BMP2: variants seen among roughly 807,000 people sequenced by gnomAD.
BMP2 encodes the protein bone morphogenetic protein 2A.
Under a neutral mutation model 28.8 loss-of-function variants are expected in BMP2, and 2 were observed. The observed-to-expected ratio is 0.07, with a 90% CI of 0.03 to 0.22. The LOEUF is 0.22. Among genes scored for constraint, BMP2 ranks in the 10% least tolerant of loss-of-function variants. The probability of loss-of-function intolerance (pLI) is 1.00; values close to 1 mark genes in which losing one functional copy is unlikely to be tolerated. For missense variants in BMP2, 437 were observed against 517.7 expected, an observed-to-expected ratio of 0.84 and a Z score of 1.51; for synonymous variants, 218 against 204.3, an observed-to-expected ratio of 1.07 and a Z score of -0.57.
intron 2 of BMP2, among the ~76,000 whole-genome samples, chr20:6,776,306 C>CT (rs1986499975): frequency 1.3e-5 from 2 of 152,172 alleles, no homozygotes; most frequent in African/African-American, 4.8e-5. Flanking sequence ...CAAGGGAACC[C>CT]TAAAGGACTC....
chr20:6,777,081 A>G (rs1160002949), intron 2 of BMP2, among the ~76,000 whole-genome samples: 3 of 152,210 alleles, frequency 2.0e-5, no homozygotes, highest in East Asian at 3.9e-4. Flanking sequence ...CTCTCATGGT[A>G]TATACTACCA....
chr20:6,768,429 G>A lies in BMP2; in HGVS notation c.-454G>A, dbSNP rs1986305455. 2.5e-6 allele frequency: 1 copy of A among 392,602 alleles called. No homozygotes were observed. The highest frequency in any genetic ancestry group is 1.4e-4 in the South Asian group (1 of 6,908). The allele number at this position is 392,602 out of a possible 1,614,324, so 24.3% of individuals were successfully genotyped here. On this transcript the variant is annotated 5_prime_UTR_variant, in exon 1 of 3. Coordinates refer to ENST00000378827, the MANE Select transcript of BMP2 (RefSeq NM_001200.4). ...ACCCCCGAGTCCCGGAGCCGGCCCC[G>A]CGCGGGGCCACGCGTCCCTCGGGCG...
chr20:6,770,126 C>T lies in BMP2; in HGVS notation c.-1C>T. On this transcript the variant is annotated 5_prime_UTR_variant, in exon 2 of 3. Coordinates refer to ENST00000378827, the MANE Select transcript of BMP2 (RefSeq NM_001200.4). ...ACGTCGGTCCTGTCCGCAGGTCGAC[C>T]ATGGTGGCCGGGACCCGCTGTCTTC... 6.5e-7 allele frequency: 1 copy of T among 1,541,062 alleles called. No homozygotes were observed. The highest frequency in any genetic ancestry group is 8.7e-7 in the Non-Finnish European group (1 of 1,143,372).
intron 2 of BMP2, among the ~76,000 whole-genome samples, chr20:6,773,434 T>C (rs1986438470): frequency 2.0e-5 from 3 of 152,218 alleles, no homozygotes; most frequent in African/African-American, 7.2e-5. Context: ...GATTGAGGCT[T>C]TGGTGTCCAG....
rs771718188 is a variant in BMP2, at chr20:6,770,452, T to C, written c.326T>C (p.Val109Ala). The C allele has an allele frequency of 5.0e-6, 8 of 1,598,102 alleles. No homozygotes were observed. In the East Asian group the frequency reaches 1.8e-4, roughly 36 times the overall value. ...AGGGCAGCCAGCCGAGCCAACACTG[T>C]GCGCAGCTTCCACCATGAAGGTGAG... is the stretch of plus-strand genomic sequence containing the variant. ...LERAASRANT[V>A]RSFHHEESLE... Residue 109 changes from valine to alanine, a missense_variant, in exon 2 of 3, where the codon GTG becomes GCG. Around this residue, in one of 2 missense-constraint regions of BMP2, gnomAD observed 363 missense variants for 392.8 expected, o/e 0.92. Transcript: ENST00000378827.
chr20:6,771,993 GT>G (rs2122379665), intron 2 of BMP2, among the ~76,000 whole-genome samples: 1 of 152,146 alleles, frequency 6.6e-6, no homozygotes, highest in South Asian at 2.1e-4. Flanking sequence ...AAGAACAACT[GT>G]TTTAGACACC....
chr20:6,775,087 C>T (rs1449212574), intron 2 of BMP2, among the ~76,000 whole-genome samples: 2 of 152,132 alleles, frequency 1.3e-5, no homozygotes, highest in South Asian at 2.1e-4. Flanking sequence ...CCCTTAAGAA[C>T]TTCAGCTTAT....
rs572353333 is a variant in BMP2, at chr20:6,773,701, A to T, written c.346+3229A>T. On this transcript the variant is annotated intron_variant, in intron 2 of 2. Coordinates refer to ENST00000378827, the MANE Select transcript of BMP2 (RefSeq NM_001200.4). ...GCCATTCCCTTGTTGTATTTTTTTTAAAATGGAATGTTTTTAACCTTTTGT... is the reference window on the plus strand; with the variant it reads ...GCCATTCCCTTGTTGTATTTTTTTTTAAATGGAATGTTTTTAACCTTTTGT... 2.0e-3 allele frequency among the ~76,000 whole-genome samples: 299 copies of T among 152,150 alleles called. 1 individual carries two copies. The highest frequency in any genetic ancestry group is 2.6e-3 in the Non-Finnish European group (176 of 68,000).
intron 1 of BMP2, among the ~76,000 whole-genome samples, chr20:6,769,347 G>T (rs908722656): frequency 1.1e-4 from 17 of 151,880 alleles, no homozygotes; most frequent in Non-Finnish European, 1.9e-4. Flanking sequence ...TAGGAGTTTG[G>T]GGTTCTCCCT....
rs1568550210 is a variant in BMP2, at chr20:6,779,736, A to G, written c.*647A>G. ...GAGAATTTACATCCTTATTAGGTGG[A>G]ATATTTGGATAAGAACCAGACATTG... On this transcript the variant is annotated 3_prime_UTR_variant, in exon 3 of 3. Transcript: ENST00000378827. The G allele has an allele frequency of 6.6e-6, 1 of 152,614 alleles. No individual in the cohort carries two copies. The highest frequency in any genetic ancestry group is 1.5e-5 in the Non-Finnish European group (1 of 68,042). The allele number at this position is 152,614 out of a possible 1,614,324, so 9.5% of individuals were successfully genotyped here.
chr20:6,769,612 G>GGT (rs61071559), intron 1 of BMP2, among the ~76,000 whole-genome samples: 12,778 of 139,804 alleles, frequency 0.091, 593 homozygotes, highest in Non-Finnish European at 0.1. Flanking sequence ...AAGCTATAAG[G>GGT]GTGTGTGTGT....
Position 6,778,165 on chromosome 20 carries a change from T to C in BMP2, c.347-80T>C. On this transcript the variant is annotated intron_variant, in intron 2 of 2. Transcript: ENST00000378827. The surrounding 1 kb of genome is among the most constrained non-coding windows in gnomAD (Gnocchi z 5.0). ...CCACGATGAGGTTTAAAAATTCTCA[T>C]AGATAATCAAACGTCATTACTTGGC... The C allele has an allele frequency of 4.0e-6, 6 of 1,513,012 alleles. No homozygotes were observed. The highest frequency in any genetic ancestry group is 1.4e-5 in the South Asian group (1 of 72,492). 93.7% of individuals were successfully genotyped at this position (1,513,012 alleles called of 1,614,324 possible).
chr20:6,768,391 C>A lies in BMP2; in HGVS notation c.-492C>A. ...GGGCCGCGGCGGAGCTAGCGCGGAG[C>A]GCCCGACCCTCGACCCCCGAGTCCC... is the stretch of plus-strand genomic sequence containing the variant. On this transcript the variant is annotated 5_prime_UTR_variant, in exon 1 of 3. Transcript: ENST00000378827. 3 of 395,466 alleles carry A rather than the reference C, an allele frequency of 7.6e-6. No homozygotes were observed. Among genetic ancestry groups the A allele is most frequent in the Non-Finnish European group, 1.3e-5 (3 of 224,350 alleles). 24.5% of individuals were successfully genotyped at this position (395,466 alleles called of 1,614,324 possible). A position where few individuals can be genotyped will look rare whatever the true frequency, so the allele number is the denominator to read the frequency against.
At position 6,770,302 on chromosome 20, in the gene BMP2, G is replaced by A; in HGVS notation, c.176G>A (p.Ser59Asn). The stretch of plus-strand genomic sequence containing the variant: ...AGCGAGTTCGAGTTGCGGCTGCTCA[G>A]CATGTTCGGCCTGAAACAGAGACCC... ...VLSEFELRLL[S>N]MFGLKQRPTP... Residue 59 changes from serine (S) to asparagine (N), a missense_variant, in exon 2 of 3, where the codon AGC becomes AAC. This residue lies in a region of BMP2 where 363 missense variants were observed against 392.8 expected (regional missense o/e 0.92). Coordinates refer to ENST00000378827, the MANE Select transcript of BMP2 (RefSeq NM_001200.4). 6.2e-7 allele frequency: 1 copy of A among 1,613,328 alleles called. No individual in the cohort carries two copies.
At chr20:6,772,243 C>T (rs1206854501) in intron 2 of BMP2, among the ~76,000 whole-genome samples, 1 of 152,158 alleles carries the variant, frequency 6.6e-6, no homozygotes, top group Non-Finnish European at 1.5e-5. Context: ...AAAAAGCATG[C>T]TTGAGTTTAT....
rs200735108 is a variant in BMP2, at chr20:6,778,364, C to G, written c.466C>G (p.Gln156Glu). ...TSAELQVFRE[Q>E]MQDALGNNSS... ...AGCAGAGCTTCAGGTTTTCCGAGAA[C>G]AGATGCAAGATGCTTTAGGAAACAA... The change falls in exon 3 of 3, where the codon CAG becomes GAG. Residue 156 changes from glutamine to glutamate, a missense_variant. Transcript: ENST00000378827. The surrounding 1 kb of genome is among the most constrained non-coding windows in gnomAD (Gnocchi z 5.0). The G allele has an allele frequency of 1.9e-6, 3 of 1,614,160 alleles. No homozygotes were observed. In the East Asian group the frequency reaches 6.7e-5, roughly 36 times the overall value.
intron 2 of BMP2, among the ~76,000 whole-genome samples, chr20:6,777,760 C>T (rs777114416): frequency 6.6e-5 from 10 of 152,158 alleles, no homozygotes; most frequent in Non-Finnish European, 1.5e-4. Flanking sequence ...TGTAAATCAT[C>T]TAAATTGCAG....
intron 2 of BMP2, among the ~76,000 whole-genome samples, chr20:6,775,157 T>C (rs1986473399): frequency 6.6e-6 from 1 of 152,210 alleles, no homozygotes. Flanking sequence ...AAGCATACAT[T>C]ACTTGAGGAT....
At position 6,768,659 on chromosome 20, in the gene BMP2, C is replaced by T. The variant is rs762763745; in HGVS notation, c.-224C>T. On this transcript the variant is annotated 5_prime_UTR_variant, in exon 1 of 3. Transcript: ENST00000378827. ...CTGCTTCGCCATCTCCGAGCCCCAC[C>T]GCCCCTCCACTCCTCGGCCTTGCCC... is the stretch of plus-strand genomic sequence containing the variant. 2.5e-6 allele frequency: 1 copy of T among 396,264 alleles called. No homozygotes were observed. Among genetic ancestry groups the T allele is most frequent in the African/African-American group, 2.1e-5 (1 of 48,570 alleles). The allele number at this position is 396,264 out of a possible 1,614,324, so 24.5% of individuals were successfully genotyped here. A position where few individuals can be genotyped will look rare whatever the true frequency, so the allele number is the denominator to read the frequency against.
Sources: gnomAD v4.1 joint callset for allele counts (sites outside exome capture counted in the v4.1 genomes callset) on GRCh38, gnomAD v4.1.1 for gene constraint, gnomAD v4.1.1 regional missense constraint, Gnocchi (gnomAD v3.1) non-coding constraint, MANE v1.5 for transcripts, NCBI Gene and HGNC (gene_info 2026-07-23, HGNC 2026-07-21) for gene names.